Variants in CACNA1A observed in about 807,000 individuals in gnomAD.
CACNA1A encodes voltage-dependent P/Q-type calcium channel subunit alpha-1A.
A neutral mutation model predicts 262.4 loss-of-function variants in CACNA1A; 57 were observed. That is an observed-to-expected ratio of 0.22 (90% CI 0.18 to 0.27). CACNA1A has a LOEUF of 0.27. Ranked by LOEUF, CACNA1A falls within the 10% of genes least tolerant of loss-of-function variation. CACNA1A has a pLI of 1.00. For synonymous variants in CACNA1A, 1,431 were observed against 1,419.3 expected (o/e 1.01, Z -0.18); for missense variants, 2,526 against 3,562.8 (o/e 0.71, Z 7.41).
intron 34 of CACNA1A, 77 bp downstream of exon 34, chr19:13,234,844 C>T: frequency 2.0e-6 from 2 of 997,004 alleles, no homozygotes; most frequent in South Asian, 2.6e-5. Context: ...AGGGTACATC[C>T]TCTATGGGAA....
Position 13,401,724 on chromosome 19 carries a change from C to T in CACNA1A, c.540-29945G>A, listed in dbSNP as rs73505166. 1.5e-3 allele frequency among the ~76,000 whole-genome samples: 229 copies of T among 152,290 alleles called. 2 individuals are homozygous for T. Among genetic ancestry groups the T allele is most frequent in the African/African-American group, 5.1e-3 (214 of 41,564 alleles). On this transcript the variant is annotated intron_variant, in intron 3 of 46. Transcript: ENST00000360228. ...GCTCTTAGAACAACCTTGGAAGCCA[C>T]ATGTTTAAGCAGGGAGAGCCTCCAA...
chr19:13,340,475 G>A (rs1332126768), intron 6 of CACNA1A, among the ~76,000 whole-genome samples: 1 of 147,612 alleles, frequency 6.8e-6, no homozygotes, highest in Non-Finnish European at 1.5e-5. Context: ...CACCCAGGCT[G>A]GAGTGCAATG....
In CACNA1A at chr19:13,298,631, C is replaced by A. The variant is rs1424294725; in HGVS notation, c.3002G>T (p.Arg1001Leu). 1 of 1,526,744 alleles carries A rather than the reference C, an allele frequency of 6.5e-7. No homozygotes were observed. Among genetic ancestry groups the A allele is most frequent in the African/African-American group, 1.4e-5 (1 of 69,778 alleles). The allele number at this position is 1,526,744 out of a possible 1,614,324, so 94.6% of individuals were successfully genotyped here. The change falls in exon 19 of 47, where the codon CGC becomes CTC. Residue 1001 changes from arginine (R) to leucine (L), a missense_variant. By Grantham distance (102) the Arg-to-Leu change is moderately radical. Around this residue, in one of 17 missense-constraint regions of CACNA1A, gnomAD observed 765 missense variants for 748.6 expected, o/e 1.02. Transcript: ENST00000360228. ...AGCGCCATGCCGGTGCCTTCTCCTG[C>A]GCTCGCCCCCGTCGGGGCCCTCGCC... The part of the protein sequence containing the change: ...GEGEGPDGGE[R>L]RRRHRHGAPA...
At chr19:13,445,140 CAA>C (rs146865083) in intron 3 of CACNA1A, among the ~76,000 whole-genome samples, 66 of 104,108 alleles carry the variant, frequency 6.3e-4, no homozygotes, top group African/African-American at 1.8e-3. Flanking sequence ...AACTCCGTCT[CAA>C]AAAAAAAAAA....
At chr19:13,209,234 T>A in intron 45 of CACNA1A, 78 bp downstream of exon 45, 1 of 1,410,034 alleles carries the variant, frequency 7.1e-7, no homozygotes. Flanking sequence ...TCTTCCTTAG[T>A]GTCTCCTCCG....
intron 1 of CACNA1A, among the ~76,000 whole-genome samples, chr19:13,490,446 T>C (rs1980620857): frequency 1.3e-5 from 2 of 151,916 alleles, no homozygotes; most frequent in Non-Finnish European, 2.9e-5. Context: ...CTACTAAAAA[T>C]GCAAAAATTA....
At chr19:13,461,177 T>C (rs1160627543) in intron 1 of CACNA1A, among the ~76,000 whole-genome samples, 3 of 151,954 alleles carry the variant, frequency 2.0e-5, no homozygotes, top group African/African-American at 4.8e-5. Flanking sequence ...CCGTCTCTAC[T>C]AAAAATACAA....
chr19:13,223,908 G>A (rs534951928), intron 38 of CACNA1A, among the ~76,000 whole-genome samples: 2 of 152,144 alleles, frequency 1.3e-5, no homozygotes, highest in East Asian at 1.9e-4. Flanking sequence ...GCTCATGCCT[G>A]TAATACCAGC....
At chr19:13,411,520 G>A (rs143240590) in intron 3 of CACNA1A, among the ~76,000 whole-genome samples, 1,765 of 152,224 alleles carry the variant, frequency 0.012, 16 homozygotes, top group Non-Finnish European at 0.019. Flanking sequence ...TTCTGCCATG[G>A]TTGTGAGGCC....
At position 13,401,171 on chromosome 19, in the gene CACNA1A, C is replaced by CA. The variant is rs1159605196; in HGVS notation, c.540-29393dup. 2.0e-5 allele frequency among the ~76,000 whole-genome samples: 3 copies of CA among 152,126 alleles called. No individual in the cohort carries two copies. In the East Asian group the frequency reaches 5.8e-4, roughly 29 times the overall value. On this transcript the variant is annotated intron_variant, in intron 3 of 46. Coordinates refer to ENST00000360228, the MANE Select transcript of CACNA1A (RefSeq NM_001127222.2). ...TCAATTCAGTCAGTTCCTTAGGGAC[C>CA]AAAAAATGGATTATGCCAATTTTAG...
intron 3 of CACNA1A, among the ~76,000 whole-genome samples, chr19:13,442,064 G>C (rs1234600842): frequency 6.6e-6 from 1 of 152,172 alleles, no homozygotes; most frequent in Non-Finnish European, 1.5e-5. Flanking sequence ...TGTGCTGGGA[G>C]CTGTCCAGGG....
intron 7 of CACNA1A, 132 bp from the exon 8 acceptor site, chr19:13,334,625 G>A: frequency 1.6e-6 from 1 of 611,406 alleles, no homozygotes; most frequent in Non-Finnish European, 2.9e-6. Context: ...GGATTCAGAA[G>A]TCCCTGGAGG....
chr19:13,231,738 A>G lies in CACNA1A; in HGVS notation c.5372T>C (p.Val1791Ala). The G allele has an allele frequency of 6.2e-7, 1 of 1,613,376 alleles. No homozygotes were observed. Among genetic ancestry groups the G allele is most frequent in the Non-Finnish European group, 8.5e-7 (1 of 1,179,614 alleles). The change falls in exon 35 of 47, where the codon GTT becomes GCT. Residue 1791 changes from valine to alanine, a missense_variant. Val to Ala is a moderately conservative substitution (Grantham distance 64). Coordinates refer to ENST00000360228, the MANE Select transcript of CACNA1A (RefSeq NM_001127222.2). ...AAACGAGCAGAGGAAGATGAAGGAA[A>G]CAAAGTAAAAATAAGCAAATTCATT... ...CGNEFAYFYF[V>A]SFIFLCSFLM...
chr19:13,459,358 A>G (rs1386208299), intron 1 of CACNA1A, among the ~76,000 whole-genome samples: 1 of 152,108 alleles, frequency 6.6e-6, no homozygotes, highest in African/African-American at 2.4e-5. Context: ...CCCCTCAGTA[A>G]AAGTCTCGGA....
At chr19:13,232,636 C>T (rs1434952412) in intron 34 of CACNA1A, among the ~76,000 whole-genome samples, 1 of 151,230 alleles carries the variant, frequency 6.6e-6, no homozygotes, top group African/African-American at 2.4e-5. Context: ...GAGGCTGAGG[C>T]AGGAAAATCG....
chr19:13,388,514 G>A (rs1319631697), intron 3 of CACNA1A, among the ~76,000 whole-genome samples: 1 of 151,928 alleles, frequency 6.6e-6, no homozygotes, highest in East Asian at 1.9e-4. Flanking sequence ...CCTCGCCCTC[G>A]CAAAGTGGTG....
rs572664935 is a variant in CACNA1A, at chr19:13,447,785, AGGAC to A, written c.539+5087_539+5090del. 3.8e-4 allele frequency among the ~76,000 whole-genome samples: 58 copies of A among 152,328 alleles called. 1 individual carries two copies. The highest frequency in any genetic ancestry group is 1.3e-3 in the African/African-American group (54 of 41,580). On this transcript the variant is annotated intron_variant, in intron 3 of 46. Coordinates refer to ENST00000360228, the MANE Select transcript of CACNA1A (RefSeq NM_001127222.2). ...TTAGAGGGCAGGAAGCATTCAGCAC[AGGAC>A]AAAGATGAAGGCCAGAAGACTCAGC...
intron 1 of CACNA1A, among the ~76,000 whole-genome samples, chr19:13,467,321 A>G (rs1003463974): frequency 6.6e-6 from 1 of 152,008 alleles, no homozygotes; most frequent in East Asian, 1.9e-4. Context: ...ACCTTTTTTT[A>G]AAAAAAGGGG....
At chr19:13,221,964 T>C (rs1346854907) in intron 38 of CACNA1A, among the ~76,000 whole-genome samples, 5 of 152,196 alleles carry the variant, frequency 3.3e-5, no homozygotes, top group African/African-American at 1.2e-4. Context: ...TAAAGTGCAG[T>C]GATGTGATCT....
Sources: allele counts gnomAD v4.1 joint callset (sites outside exome capture counted in the v4.1 genomes callset), GRCh38; gene constraint gnomAD v4.1.1; regional missense constraint gnomAD v4.1.1; transcripts MANE v1.5; gene names NCBI Gene and HGNC (gene_info 2026-07-23, HGNC 2026-07-21).